The following MDFIC2 variants were observed in gnomAD, a reference collection of about 807,000 sequenced individuals.
The protein encoded by MDFIC2 is MyoD family inhibitor domain containing 2.
At chr3:70,241,259 A>C (rs1477767106) in intron 2 of MDFIC2, among the ~76,000 whole-genome samples, 1 of 152,158 alleles carries the variant, frequency 6.6e-6, no homozygotes, top group Non-Finnish European at 1.5e-5. Context: ...GTCTTTATAT[A>C]CTGGAGGCAA....
At chr3:70,208,685 T>G (rs1258225458) in intron 2 of MDFIC2, among the ~76,000 whole-genome samples, 1 of 152,020 alleles carries the variant, frequency 6.6e-6, no homozygotes, top group Non-Finnish European at 1.5e-5. Flanking sequence ...GCCCACTGAC[T>G]TGTGCATCAG....
chr3:70,216,015 C>T (rs1372062119), intron 2 of MDFIC2, among the ~76,000 whole-genome samples: 4 of 151,972 alleles, frequency 2.6e-5, no homozygotes, highest in East Asian at 1.9e-4. Flanking sequence ...ATCTGTAGAA[C>T]TGTGAAAATA....
At chr3:70,201,992 A>C (rs924946384) in intron 3 of MDFIC2, among the ~76,000 whole-genome samples, 1 of 152,110 alleles carries the variant, frequency 6.6e-6, no homozygotes, top group African/African-American at 2.4e-5. Context: ...CTTTGCTTTT[A>C]TCTCTCTCTG....
chr3:70,252,477 A>G (rs1701778830), intron 2 of MDFIC2, among the ~76,000 whole-genome samples: 1 of 152,176 alleles, frequency 6.6e-6, no homozygotes, highest in Non-Finnish European at 1.5e-5. Context: ...TTCAATTAAG[A>G]TGGGTCAGAG....
chr3:70,198,767 C>G (rs1290276543), intron 3 of MDFIC2, among the ~76,000 whole-genome samples: 2 of 152,132 alleles, frequency 1.3e-5, no homozygotes, highest in Non-Finnish European at 2.9e-5. Flanking sequence ...CTACTGTGTA[C>G]AAACTCATCT....
chr3:70,238,710 A>G (rs759026257), intron 2 of MDFIC2, among the ~76,000 whole-genome samples: 13 of 152,104 alleles, frequency 8.5e-5, no homozygotes, highest in Non-Finnish European at 1.5e-4. Flanking sequence ...CAAATTCCAA[A>G]TGTATTGTTT....
At chr3:70,224,824 TC>T (rs371363720) in intron 2 of MDFIC2, among the ~76,000 whole-genome samples, 7 of 151,234 alleles carry the variant, frequency 4.6e-5, no homozygotes, top group East Asian at 1.9e-4. Context: ...TTTTGCAGTT[TC>T]CCCCCCCACA....
At chr3:70,232,917 G>C (rs1317437522) in intron 2 of MDFIC2, among the ~76,000 whole-genome samples, 1 of 152,118 alleles carries the variant, frequency 6.6e-6, no homozygotes, top group Non-Finnish European at 1.5e-5. Flanking sequence ...TGCTAGGCGT[G>C]GGGGTTCACA....
At chr3:70,237,352 A>G (rs550424597) in intron 2 of MDFIC2, among the ~76,000 whole-genome samples, 4 of 152,276 alleles carry the variant, frequency 2.6e-5, no homozygotes, top group Admixed American at 1.3e-4. Context: ...TTTATTTCCC[A>G]TCCCTCTCAT....
intron 2 of MDFIC2, among the ~76,000 whole-genome samples, chr3:70,274,298 T>C (rs1702001679): frequency 1.3e-5 from 2 of 152,104 alleles, no homozygotes; most frequent in African/African-American, 4.8e-5. Flanking sequence ...TGATTGCAGA[T>C]AAATTATCAC....
intron 2 of MDFIC2, among the ~76,000 whole-genome samples, chr3:70,269,162 C>T (rs914020923): frequency 1.3e-4 from 20 of 151,998 alleles, no homozygotes; most frequent in African/African-American, 4.8e-4. Flanking sequence ...TATTTTTAAA[C>T]ATCTGTGGAA....
chr3:70,276,324 C>T (rs1343079597), intron 2 of MDFIC2, among the ~76,000 whole-genome samples: 1 of 152,018 alleles, frequency 6.6e-6, no homozygotes, highest in Admixed American at 6.6e-5. Context: ...TATATTATTC[C>T]ATCTTATGAA....
intron 2 of MDFIC2, among the ~76,000 whole-genome samples, chr3:70,289,126 C>T (rs1215320614): frequency 2.0e-5 from 3 of 150,836 alleles, no homozygotes; most frequent in South Asian, 2.2e-4. Context: ...TGATTTTGCT[C>T]GTTAGTTGAT....
chr3:70,273,395 T>TA (rs762795877), intron 2 of MDFIC2, among the ~76,000 whole-genome samples: 2 of 152,190 alleles, frequency 1.3e-5, no homozygotes, highest in Non-Finnish European at 2.9e-5. Context: ...AGGGAAGTCT[T>TA]AAAAGCTTCA....
At chr3:70,286,466 G>T (rs1702164696) in intron 2 of MDFIC2, among the ~76,000 whole-genome samples, 1 of 151,718 alleles carries the variant, frequency 6.6e-6, no homozygotes, top group Non-Finnish European at 1.5e-5. Context: ...CTGTAGCCTT[G>T]TAGTATAGTT....
chr3:70,215,950 T>G (rs928358843), intron 2 of MDFIC2, among the ~76,000 whole-genome samples: 1 of 152,118 alleles, frequency 6.6e-6, no homozygotes, highest in Non-Finnish European at 1.5e-5. Context: ...CTGTCTTTTG[T>G]GGTAAAACAC....
intron 2 of MDFIC2, among the ~76,000 whole-genome samples, chr3:70,262,390 A>G (rs1038075113): frequency 1.3e-5 from 2 of 152,132 alleles, no homozygotes; most frequent in African/African-American, 2.4e-5. Flanking sequence ...ACGGACAATA[A>G]CTTCAATCAG....
Position 70,195,851 on chromosome 3 carries a change from A to T in MDFIC2, c.*1075T>A, listed in dbSNP as rs934941255. ...GATGTGTTTTCACCACAAACTGTTT[A>T]AACTTATTTGAGTCGAAAATCACTT... On this transcript the variant is annotated 3_prime_UTR_variant, in exon 4 of 4. Coordinates refer to ENST00000567252, the MANE Select transcript of MDFIC2 (RefSeq NM_001364677.1). Among the ~76,000 whole-genome samples, 3 of 152,242 alleles carry T rather than the reference A, an allele frequency of 2.0e-5. No homozygotes were observed. Among genetic ancestry groups the T allele is most frequent in the Admixed American group, 1.3e-4 (2 of 15,286 alleles).
chr3:70,241,375 C>G (rs1339580201), intron 2 of MDFIC2, among the ~76,000 whole-genome samples: 1 of 152,114 alleles, frequency 6.6e-6, no homozygotes, highest in East Asian at 1.9e-4. Context: ...TTTGTATATG[C>G]ATTCATATTT....
Sources: allele counts gnomAD v4.1 joint callset (sites outside exome capture counted in the v4.1 genomes callset), GRCh38; gene constraint gnomAD v4.1.1; transcripts MANE v1.5; gene names NCBI Gene and HGNC (gene_info 2026-07-23, HGNC 2026-07-21).